ITPK1: variants seen among roughly 807,000 people sequenced by gnomAD.
ITPK1 encodes inositol 1,3,4-trisphosphate 5/6-kinase.
A neutral mutation model predicts 45.3 loss-of-function variants in ITPK1; 21 were observed. That is an observed-to-expected ratio of 0.46 (90% CI 0.33 to 0.67). The LOEUF is 0.67. ITPK1 is among the 30% of genes least tolerant of loss of function. The pLI, the probability that ITPK1 is intolerant of heterozygous loss-of-function variation, is 0.02. For missense variants in ITPK1, 474 were observed against 573.5 expected (o/e 0.83, Z 1.77); for synonymous variants, 258 against 253.6 (o/e 1.02, Z -0.16).
chr14:93,111,574 G>C (rs1220397989), intron 2 of ITPK1, among the ~76,000 whole-genome samples: 1 of 152,082 alleles, frequency 6.6e-6, no homozygotes, highest in African/African-American at 2.4e-5. Context: ...AGCCAGGCGT[G>C]GTGGTGCGCA....
At chr14:92,968,531 G>A (rs572400808) in intron 5 of ITPK1, among the ~76,000 whole-genome samples, 2 of 152,268 alleles carry the variant, frequency 1.3e-5, no homozygotes, top group East Asian at 3.9e-4. Context: ...CACTGGGTCT[G>A]AGGTGAAGTC....
intron 8 of ITPK1, 97 bp from the exon 9 acceptor site, chr14:92,952,110 C>T (rs1403620651): frequency 2.1e-6 from 2 of 966,430 alleles, no homozygotes; most frequent in Non-Finnish European, 3.2e-6. Context: ...CCCAGGCACA[C>T]AACACGTGGC....
chr14:92,953,555 T>C (rs1888059616), intron 8 of ITPK1, among the ~76,000 whole-genome samples: 1 of 152,230 alleles, frequency 6.6e-6, no homozygotes, highest in South Asian at 2.1e-4. Flanking sequence ...TAGCCCAGCC[T>C]GGCTCAGCCC....
At chr14:93,091,881 C>T (rs12894592) in intron 2 of ITPK1, among the ~76,000 whole-genome samples, 3,114 of 152,244 alleles carry the variant, frequency 0.02, 43 homozygotes, top group Non-Finnish European at 0.03. Flanking sequence ...TGACGGGAGG[C>T]GCCACTCCTG....
chr14:93,094,724 C>A (rs868755217), intron 2 of ITPK1, among the ~76,000 whole-genome samples: 1 of 152,206 alleles, frequency 6.6e-6, no homozygotes, highest in East Asian at 1.9e-4. Context: ...GCAGTCACAG[C>A]GTGGGGACGG....
intron 7 of ITPK1, among the ~76,000 whole-genome samples, chr14:92,960,526 A>G (rs1240802503): frequency 6.6e-6 from 1 of 152,204 alleles, no homozygotes; most frequent in African/African-American, 2.4e-5. Context: ...ACAAATGGCA[A>G]CACACGGCAC....
chr14:92,993,964 G>A lies in ITPK1; in HGVS notation c.280C>T (p.Leu94=). The A allele has an allele frequency of 6.2e-7, 1 of 1,613,966 alleles. No individual in the cohort carries two copies. The highest frequency in any genetic ancestry group is 8.5e-7 in the Non-Finnish European group (1 of 1,179,864). Reference sequence around the variant, plus strand: ...GTTCTGATGGCAGGGAGCGGGTCCAGGACGATGGTCTCAGGGTGGGCATCG... The same window carrying A: ...GTTCTGATGGCAGGGAGCGGGTCCAAGACGATGGTCTCAGGGTGGGCATCG... The part of the protein sequence containing the change: ...YIDAHPETIV[L]DPLPAIRTLL... The change falls in exon 5 of 11, where the codon CTG becomes TTG. Residue 94 remains leucine, a synonymous_variant. Coordinates refer to ENST00000267615, the MANE Select transcript of ITPK1 (RefSeq NM_014216.6).
intron 2 of ITPK1, among the ~76,000 whole-genome samples, chr14:93,088,507 C>T (rs564408651): frequency 2.6e-5 from 4 of 152,022 alleles, no homozygotes; most frequent in Non-Finnish European, 5.9e-5. Context: ...AGTCGTGCGC[C>T]ACCATACTCT....
chr14:92,982,144 A>T (rs1454087276), intron 5 of ITPK1, among the ~76,000 whole-genome samples: 1 of 152,232 alleles, frequency 6.6e-6, no homozygotes, highest in African/African-American at 2.4e-5. Flanking sequence ...TTGAACTTAT[A>T]AGTATGCAAG....
chr14:93,025,230 T>G (rs1022863243), intron 3 of ITPK1, among the ~76,000 whole-genome samples: 1 of 152,034 alleles, frequency 6.6e-6, no homozygotes, highest in Non-Finnish European at 1.5e-5. Context: ...GGCCTGGCAC[T>G]GGCACCCCAA....
intron 5 of ITPK1, among the ~76,000 whole-genome samples, chr14:92,991,944 T>C (rs2139805920): frequency 6.6e-6 from 1 of 152,322 alleles, no homozygotes; most frequent in South Asian, 2.1e-4. Context: ...CCAGGTATCC[T>C]GACCCCTGAC....
intron 2 of ITPK1, among the ~76,000 whole-genome samples, chr14:93,095,156 T>C (rs543166530): frequency 6.6e-6 from 1 of 152,282 alleles, no homozygotes; most frequent in Non-Finnish European, 1.5e-5. Flanking sequence ...CCCCGCATGG[T>C]GTCTGAAACC....
intron 3 of ITPK1, among the ~76,000 whole-genome samples, chr14:93,055,070 C>CT (rs1283796292): frequency 6.6e-6 from 1 of 152,186 alleles, no homozygotes; most frequent in Non-Finnish European, 1.5e-5. Flanking sequence ...GAATCAGACA[C>CT]TGAATACGCC....
chr14:92,990,530 A>T (rs1886728709), intron 5 of ITPK1, among the ~76,000 whole-genome samples: 1 of 152,174 alleles, frequency 6.6e-6, no homozygotes, highest in African/African-American at 2.4e-5. Context: ...ATTGATACGA[A>T]GTGGGTGGGT....
intron 3 of ITPK1, among the ~76,000 whole-genome samples, chr14:93,019,814 C>T (rs768972465): frequency 4.6e-5 from 7 of 152,112 alleles, no homozygotes; most frequent in Admixed American, 6.5e-5. Context: ...GGGGGATGCC[C>T]GGGGGGAAGG....
intron 3 of ITPK1, among the ~76,000 whole-genome samples, chr14:93,045,458 C>T (rs150587818): frequency 1.3e-5 from 2 of 152,296 alleles, no homozygotes; most frequent in Admixed American, 6.5e-5. Context: ...GGAAGATTAG[C>T]GCAAAGTGGG....
Position 92,962,408 on chromosome 14 carries a change from G to T in ITPK1, c.464-13C>A, listed in dbSNP as rs777948550. The T allele has an allele frequency of 6.3e-7, 1 of 1,596,920 alleles. No individual in the cohort carries two copies. Among genetic ancestry groups the T allele is most frequent in the Non-Finnish European group, 8.6e-7 (1 of 1,164,250 alleles). On this transcript the variant is annotated splice_polypyrimidine_tract_variant and intron_variant, in intron 6 of 10. Coordinates refer to ENST00000267615, the MANE Select transcript of ITPK1 (RefSeq NM_014216.6). ...CTGGTTTTGCAAACTATGGGTTGGGGAGAGAAAAGCAGAGAGAAATTAGTG... is the reference window on the plus strand; with the variant it reads ...CTGGTTTTGCAAACTATGGGTTGGGTAGAGAAAAGCAGAGAGAAATTAGTG...
At chr14:93,102,718 A>G (rs1174064073) in intron 2 of ITPK1, among the ~76,000 whole-genome samples, 1 of 152,192 alleles carries the variant, frequency 6.6e-6, no homozygotes, top group African/African-American at 2.4e-5. Flanking sequence ...ACACTTCGGG[A>G]GGCTGAGACG....
chr14:92,984,174 A>T (rs1477328299), intron 5 of ITPK1, among the ~76,000 whole-genome samples: 1 of 152,230 alleles, frequency 6.6e-6, no homozygotes, highest in Non-Finnish European at 1.5e-5. Context: ...CAGGGAAGTG[A>T]GGCTGGAGTT....
Sources: allele counts gnomAD v4.1 joint callset (sites outside exome capture counted in the v4.1 genomes callset), GRCh38; gene constraint gnomAD v4.1.1; transcripts MANE v1.5; gene names NCBI Gene and HGNC (gene_info 2026-07-23, HGNC 2026-07-21).